PRKD1: variants seen among roughly 807,000 people sequenced by gnomAD.
The protein encoded by PRKD1 is protein kinase D1, also known as serine/threonine-protein kinase D1.
In PRKD1, 63 loss-of-function variants were observed where a neutral mutation model predicts 95.9. The observed-to-expected ratio is 0.66, with a 90% confidence interval of 0.54 to 0.81. PRKD1 has a LOEUF of 0.81. Among genes scored for constraint, PRKD1 ranks in the 30% least tolerant of loss-of-function variants. The pLI is 0.00. For missense variants in PRKD1, 1,048 were observed against 1,165.3 expected (o/e 0.90, Z 1.47); for synonymous variants, 425 against 423.1 (o/e 1.00, Z -0.05).
chr14:29,705,168 C>T (rs1885020875), intron 2 of PRKD1, among the ~76,000 whole-genome samples: 1 of 152,024 alleles, frequency 6.6e-6, no homozygotes, highest in Admixed American at 6.6e-5. Context: ...CTTATTTTAT[C>T]CCTGAAATTT....
At chr14:29,588,296 G>T (rs1279482412) in intron 16 of PRKD1, among the ~76,000 whole-genome samples, 1 of 152,094 alleles carries the variant, frequency 6.6e-6, no homozygotes, top group East Asian at 1.9e-4. Context: ...AGTGTTTAGC[G>T]TTCTGGAACA....
chr14:29,639,573 C>T (rs768031939), intron 4 of PRKD1, among the ~76,000 whole-genome samples: 12 of 151,462 alleles, frequency 7.9e-5, no homozygotes, highest in Non-Finnish European at 1.3e-4. Context: ...GAGCCAATAT[C>T]GTGCCACTGC....
chr14:29,840,421 G>A (rs1291829834), intron 1 of PRKD1, among the ~76,000 whole-genome samples: 4 of 152,126 alleles, frequency 2.6e-5, no homozygotes, highest in Admixed American at 6.5e-5. Context: ...CAAGTCTCCA[G>A]GGAGTTCCAA....
chr14:29,580,881 A>G (rs1892734307), intron 16 of PRKD1, among the ~76,000 whole-genome samples: 1 of 151,996 alleles, frequency 6.6e-6, no homozygotes, highest in Admixed American at 6.6e-5. Context: ...CCTGTTGGCA[A>G]TTACTTATGA....
Position 29,826,828 on chromosome 14 carries a change from T to TATATAC in PRKD1, c.264+100420_264+100421insGTATAT, listed in dbSNP as rs1891198296. 5.7e-5 allele frequency among the ~76,000 whole-genome samples: 2 copies of TATATAC among 35,288 alleles called. 1 individual carries two copies. The highest frequency in any genetic ancestry group is 2.0e-4 in the African/African-American group (2 of 9,790). The allele number at this position is 35,288 out of a possible 152,430, so 23.2% of individuals were successfully genotyped here. ...ACATATATATACACATATATATATA[T>TATATAC]ATATATATATACACACATATATATA... On this transcript the variant is annotated intron_variant, in intron 1 of 17. Coordinates refer to ENST00000331968, the MANE Select transcript of PRKD1 (RefSeq NM_002742.3).
chr14:29,642,455 C>T (rs986877237), intron 4 of PRKD1, among the ~76,000 whole-genome samples: 6 of 152,040 alleles, frequency 3.9e-5, no homozygotes, highest in African/African-American at 9.7e-5. Context: ...GGAAATGATA[C>T]TTTTAAAAAA....
intron 2 of PRKD1, among the ~76,000 whole-genome samples, chr14:29,714,630 A>G (rs1008837384): frequency 7.2e-5 from 11 of 152,210 alleles, no homozygotes; most frequent in Non-Finnish European, 1.5e-5. Context: ...AGGATTATAA[A>G]TCATTCTACT....
At chr14:29,723,253 C>A (rs1885984095) in intron 2 of PRKD1, among the ~76,000 whole-genome samples, 1 of 152,034 alleles carries the variant, frequency 6.6e-6, no homozygotes, top group South Asian at 2.1e-4. Context: ...CACTTCACTG[C>A]AAAGAAGGTG....
At chr14:29,896,379 C>CAT (rs796102497) in intron 1 of PRKD1, among the ~76,000 whole-genome samples, 17 of 152,060 alleles carry the variant, frequency 1.1e-4, no homozygotes, top group African/African-American at 4.1e-4. Context: ...CACACACACA[C>CAT]ACACACACCC....
chr14:29,812,583 C>T (rs1032391404), intron 1 of PRKD1, among the ~76,000 whole-genome samples: 2 of 152,152 alleles, frequency 1.3e-5, no homozygotes, highest in Non-Finnish European at 2.9e-5. Flanking sequence ...GAAGGGGAAG[C>T]AGGCACTTCT....
intron 16 of PRKD1, among the ~76,000 whole-genome samples, chr14:29,592,207 C>T (rs1452728018): frequency 6.6e-6 from 1 of 151,766 alleles, no homozygotes; most frequent in African/African-American, 2.4e-5. Flanking sequence ...AAATGACCAC[C>T]GACACAGCCA....
In PRKD1 at chr14:29,914,204, G is replaced by A. The variant is rs58093146; in HGVS notation, c.264+13045C>T. Among the ~76,000 whole-genome samples, 627 of 152,310 alleles carry A rather than the reference G, an allele frequency of 4.1e-3. 32 individuals are homozygous for A. In the East Asian group the frequency reaches 0.081, roughly 20 times the overall value. On this transcript the variant is annotated intron_variant, in intron 1 of 17. Coordinates refer to ENST00000331968, the MANE Select transcript of PRKD1 (RefSeq NM_002742.3). ...ACAATTAGTCTACGAGGGAAGTTAC[G>A]TGTTGGCATTAGCCCTGGACACAGA...
intron 1 of PRKD1, among the ~76,000 whole-genome samples, chr14:29,858,143 T>G (rs929277183): frequency 6.6e-6 from 1 of 152,300 alleles, no homozygotes; most frequent in Non-Finnish European, 1.5e-5. Context: ...AACAAATAAA[T>G]GAACAGATAC....
intron 2 of PRKD1, among the ~76,000 whole-genome samples, chr14:29,670,885 C>T (rs1205646461): frequency 6.6e-6 from 1 of 152,136 alleles, no homozygotes; most frequent in East Asian, 1.9e-4. Context: ...ACCCACAGCT[C>T]TCCAACAACA....
At chr14:29,806,595 G>A (rs1283473923) in intron 1 of PRKD1, among the ~76,000 whole-genome samples, 1 of 152,130 alleles carries the variant, frequency 6.6e-6, no homozygotes, top group Non-Finnish European at 1.5e-5. Flanking sequence ...ATTAGAAAAT[G>A]GTTCGACTGT....
chr14:29,779,383 A>C (rs1353922641), intron 1 of PRKD1, among the ~76,000 whole-genome samples: 1 of 152,182 alleles, frequency 6.6e-6, no homozygotes, highest in African/African-American at 2.4e-5. Context: ...TATATTTAGA[A>C]AACCCCATCG....
At chr14:29,585,390 C>G (rs1013537890) in intron 16 of PRKD1, among the ~76,000 whole-genome samples, 1 of 152,136 alleles carries the variant, frequency 6.6e-6, no homozygotes, top group African/African-American at 2.4e-5. Flanking sequence ...CTTTTCAGTT[C>G]TTTCCTCTGT....
At chr14:29,629,183 G>T in intron 10 of PRKD1, 90 bp from the exon 11 acceptor site, 1 of 1,074,784 alleles carries the variant, frequency 9.3e-7, no homozygotes, top group Non-Finnish European at 1.4e-6. Flanking sequence ...AAATCATCCT[G>T]CAAAAGTGGT....
chr14:29,745,763 A>T (rs1371480492), intron 1 of PRKD1, among the ~76,000 whole-genome samples: 1 of 152,132 alleles, frequency 6.6e-6, no homozygotes, highest in Non-Finnish European at 1.5e-5. Flanking sequence ...GGTGTGAGCC[A>T]CCTGCACCCA....
Sources: gnomAD v4.1 joint callset for allele counts (sites outside exome capture counted in the v4.1 genomes callset) on GRCh38, gnomAD v4.1.1 for gene constraint, MANE v1.5 for transcripts, NCBI Gene and HGNC (gene_info 2026-07-23, HGNC 2026-07-21) for gene names.